The following ACMSD variants were observed in gnomAD, a reference collection of about 807,000 sequenced individuals.
The protein encoded by ACMSD is 2-amino-3-carboxymuconate-6-semialdehyde decarboxylase.
ACMSD carries 37 observed loss-of-function variants against 45.9 expected under a neutral mutation model. That is an observed-to-expected ratio of 0.81 (90% CI 0.62 to 1.06). The LOEUF (loss-of-function observed/expected upper bound fraction) is 1.06. ACMSD is among the 50% of genes least tolerant of loss of function. The probability of loss-of-function intolerance (pLI) is 0.00; values close to 1 mark genes in which losing one functional copy is unlikely to be tolerated. For synonymous variants in ACMSD, 138 were observed against 148.8 expected (o/e 0.93, Z 0.53); for missense variants, 434 against 420.9 (o/e 1.03, Z -0.27).
At chr2:134,868,348 A>G (rs890603368) in intron 6 of ACMSD, among the ~76,000 whole-genome samples, 1 of 151,354 alleles carries the variant, frequency 6.6e-6, no homozygotes, top group Non-Finnish European at 1.5e-5. Context: ...AAGAAGAGAT[A>G]GAGAACAGAT....
At chr2:134,852,020 C>T (rs1431758931) in intron 2 of ACMSD, among the ~76,000 whole-genome samples, 3 of 152,024 alleles carry the variant, frequency 2.0e-5, no homozygotes, top group Non-Finnish European at 4.4e-5. Context: ...GTGTGTTATA[C>T]GTATGGTGTT....
intron 7 of ACMSD, among the ~76,000 whole-genome samples, 170 bp from the exon 8 acceptor site, chr2:134,872,299 A>G (rs1688497188): frequency 6.6e-6 from 1 of 152,216 alleles, no homozygotes; most frequent in Non-Finnish European, 1.5e-5. Context: ...CTGAATTTCT[A>G]GATGAGTTAA....
intron 8 of ACMSD, among the ~76,000 whole-genome samples, chr2:134,875,411 C>T (rs4954192): frequency 0.53 from 80,273 of 152,050 alleles, 22,553 homozygotes; most frequent in East Asian, 0.89. Flanking sequence ...CTTAAGAATA[C>T]ACAGATACAT....
chr2:134,883,935 C>T (rs1295377484), intron 8 of ACMSD, among the ~76,000 whole-genome samples: 2 of 152,282 alleles, frequency 1.3e-5, no homozygotes, highest in East Asian at 3.9e-4. Flanking sequence ...TTTCTTGCTA[C>T]TATCTCTTCT....
At chr2:134,875,793 C>T (rs969423129) in intron 8 of ACMSD, among the ~76,000 whole-genome samples, 3 of 152,118 alleles carry the variant, frequency 2.0e-5, no homozygotes, top group Non-Finnish European at 4.4e-5. Flanking sequence ...GGTAACCTAC[C>T]GCTGCATAAT....
In ACMSD at chr2:134,861,957, G is replaced by T. The variant is rs759624053; in HGVS notation, c.200-12G>T. The T allele has an allele frequency of 1.9e-6, 3 of 1,614,096 alleles. No homozygotes were observed. Among genetic ancestry groups the T allele is most frequent in the Non-Finnish European group, 2.5e-6 (3 of 1,180,000 alleles). On this transcript the variant is annotated splice_polypyrimidine_tract_variant and intron_variant, in intron 3 of 9. Transcript: ENST00000356140. ...TCTCACCAGCTTTGCCCTTCTTTGTGTCCATGTCTAGGAGTAACAGTGCAA... is the reference window on the plus strand; with the variant it reads ...TCTCACCAGCTTTGCCCTTCTTTGTTTCCATGTCTAGGAGTAACAGTGCAA...
intron 8 of ACMSD, among the ~76,000 whole-genome samples, chr2:134,896,444 A>T (rs1370933287): frequency 6.6e-6 from 1 of 152,270 alleles, no homozygotes; most frequent in Non-Finnish European, 1.5e-5. Flanking sequence ...AAGATCTCTT[A>T]TAGCTCAATG....
rs1018531764 is a variant in ACMSD, at chr2:134,857,962, T to G, written c.103-1299T>G. 3.9e-5 allele frequency: 6 copies of G among 151,986 alleles called. No homozygotes were observed. In the South Asian group the frequency reaches 1.2e-3, roughly 32 times the overall value. The allele number at this position is 151,986 out of a possible 1,614,324, so 9.4% of individuals were successfully genotyped here. A position where few individuals can be genotyped will look rare whatever the true frequency, so the allele number is the denominator to read the frequency against. ...AGAAATTTGTCTGTATCTATTGATA[T>G]GATCATATGTTTTCCTGAGAAAAAG... On this transcript the variant is annotated intron_variant, in intron 2 of 9. Coordinates refer to ENST00000356140, the MANE Select transcript of ACMSD (RefSeq NM_138326.3).
At chr2:134,851,074 T>C (rs1687318655) in intron 2 of ACMSD, among the ~76,000 whole-genome samples, 2 of 152,216 alleles carry the variant, frequency 1.3e-5, no homozygotes, top group African/African-American at 4.8e-5. Context: ...CTGTGTTAAT[T>C]TGATTAGGAT....
intron 9 of ACMSD, among the ~76,000 whole-genome samples, chr2:134,900,976 T>G (rs906727611): frequency 2.6e-5 from 4 of 152,190 alleles, no homozygotes; most frequent in African/African-American, 7.2e-5. Flanking sequence ...AATAGTCACT[T>G]CTGAAATCTT....
intron 8 of ACMSD, among the ~76,000 whole-genome samples, chr2:134,881,356 T>C (rs912405689): frequency 2.0e-5 from 3 of 152,254 alleles, no homozygotes; most frequent in Non-Finnish European, 4.4e-5. Flanking sequence ...AAATAGAAAG[T>C]ATTTTTATTT....
In ACMSD at chr2:134,847,451, T is replaced by G. The variant is rs144299029; in HGVS notation, c.102+2174T>G. On this transcript the variant is annotated intron_variant, in intron 2 of 9. Coordinates refer to ENST00000356140, the MANE Select transcript of ACMSD (RefSeq NM_138326.3). The stretch of plus-strand genomic sequence containing the variant: ...AGATAGATAGATAGATAGATAGATA[T>G]AGATAGAGATAGAGATAGATATATA... Among the ~76,000 whole-genome samples, 1,053 of 143,958 alleles carry G rather than the reference T, an allele frequency of 7.3e-3. 20 individuals are homozygous for G. The East Asian group carries it at 0.13, about 18-fold the overall frequency. 94.4% of individuals were successfully genotyped at this position (143,958 alleles called of 152,430 possible).
chr2:134,872,858 A>C, intron 8 of ACMSD: 1 of 527,270 alleles, frequency 1.9e-6, no homozygotes, highest in Non-Finnish European at 3.4e-6. Context: ...AAACTATTAT[A>C]TATGCCAGAG....
chr2:134,846,451 G>A (rs1318068218), intron 2 of ACMSD, among the ~76,000 whole-genome samples: 1 of 152,148 alleles, frequency 6.6e-6, no homozygotes, highest in Non-Finnish European at 1.5e-5. Flanking sequence ...TTGCCCAGCT[G>A]GAGTGCAGTG....
intron 2 of ACMSD, among the ~76,000 whole-genome samples, chr2:134,847,841 CT>C (rs1687147238): frequency 7.3e-6 from 1 of 137,616 alleles, no homozygotes; most frequent in Non-Finnish European, 1.5e-5. Context: ...GCCACATTTT[CT>C]TTTCTTCTTT....
At chr2:134,848,569 A>G (rs945690610) in intron 2 of ACMSD, among the ~76,000 whole-genome samples, 1 of 152,074 alleles carries the variant, frequency 6.6e-6, no homozygotes, top group African/African-American at 2.4e-5. Flanking sequence ...GGGCACATAA[A>G]TGTCTTCTTT....
In ACMSD at chr2:134,901,788, T is replaced by G; in HGVS notation, c.949-10T>G. 6.3e-7 allele frequency: 1 copy of G among 1,592,464 alleles called. No individual in the cohort carries two copies. Among genetic ancestry groups the G allele is most frequent in the Non-Finnish European group, 8.6e-7 (1 of 1,167,032 alleles). On this transcript the variant is annotated splice_polypyrimidine_tract_variant and intron_variant, in intron 9 of 9. Transcript: ENST00000356140. ...CAATAATGCTTTAAAATATTTTCTT[T>G]TCTTTTCAGAATAAACTCAAAGCCG...
intron 8 of ACMSD, among the ~76,000 whole-genome samples, chr2:134,879,884 T>G (rs936121134): frequency 5.3e-5 from 8 of 152,236 alleles, no homozygotes; most frequent in Admixed American, 2.0e-4. Context: ...TCTGTCATCC[T>G]GAAATCTCTC....
chr2:134,863,112 T>G, intron 4 of ACMSD: 46 of 907,382 alleles, frequency 5.1e-5, no homozygotes, highest in East Asian at 1.2e-4. Flanking sequence ...ATTCCATCTC[T>G]AGTGTTGGGA....
Sources: allele counts gnomAD v4.1 joint callset (sites outside exome capture counted in the v4.1 genomes callset), GRCh38; gene constraint gnomAD v4.1.1; transcripts MANE v1.5; gene names NCBI Gene and HGNC (gene_info 2026-07-23, HGNC 2026-07-21).